PTPRA: variants seen among roughly 807,000 people sequenced by gnomAD.
The protein encoded by PTPRA is protein tyrosine phosphatase receptor type A, also known as receptor-type tyrosine-protein phosphatase alpha.
In PTPRA, 25 loss-of-function variants were observed where a neutral mutation model predicts 104.8. That is an observed-to-expected ratio of 0.24 (90% CI 0.17 to 0.33). The LOEUF is 0.33. PTPRA is among the 10% of genes least tolerant of loss of function. The pLI, the probability that PTPRA is intolerant of heterozygous loss-of-function variation, is 1.00. For missense variants in PTPRA, 765 were observed against 1,015.3 expected, an observed-to-expected ratio of 0.75 and a Z score of 3.35; for synonymous variants, 323 against 368.9, an observed-to-expected ratio of 0.88 and a Z score of 1.43.
chr20:2,973,958 T>TC (rs2062307613), intron 5 of PTPRA, among the ~76,000 whole-genome samples: 1 of 151,018 alleles, frequency 6.6e-6, no homozygotes, highest in Non-Finnish European at 1.5e-5. Context: ...TCTGATTTTT[T>TC]TTTTTTTTTT....
In PTPRA at chr20:2,878,745, C is replaced by T. The variant is rs146320081; in HGVS notation, c.-129+4985C>T. Among the ~76,000 whole-genome samples the T allele has an allele frequency of 4.9e-3, 742 of 152,284 alleles. 5 individuals are homozygous for T. Among genetic ancestry groups the T allele is most frequent in the African/African-American group, 0.017 (712 of 41,548 alleles). On this transcript the variant is annotated intron_variant, in intron 1 of 23. Coordinates refer to ENST00000399903, the MANE Select transcript of PTPRA (RefSeq NM_001385305.1). ...AGCAATTTATGGGGCCATTTCTTGACAACCCATCTAGTGCTATTACAAAGA... is the reference window on the plus strand; with the variant it reads ...AGCAATTTATGGGGCCATTTCTTGATAACCCATCTAGTGCTATTACAAAGA...
rs2065729590 is a variant in PTPRA, at chr20:3,035,030, A to G, written c.1921-555A>G. On this transcript the variant is annotated intron_variant, in intron 20 of 23. Transcript: ENST00000399903. The surrounding 1 kb of genome is among the most constrained non-coding windows in gnomAD (Gnocchi z 5.8). ...AAGGAGCTGTAGAGGGAAGTGAGCCAGGTGCAAGCAAAGACAGACAGTAGA... is the reference window on the plus strand; with the variant it reads ...AAGGAGCTGTAGAGGGAAGTGAGCCGGGTGCAAGCAAAGACAGACAGTAGA... Among the ~76,000 whole-genome samples the G allele has an allele frequency of 6.6e-6, 1 of 152,140 alleles. No homozygotes were observed. The highest frequency in any genetic ancestry group is 2.1e-4 in the South Asian group (1 of 4,820).
At chr20:2,985,734 T>C (rs983694587) in intron 6 of PTPRA, among the ~76,000 whole-genome samples, 1 of 152,152 alleles carries the variant, frequency 6.6e-6, no homozygotes, top group Non-Finnish European at 1.5e-5. Context: ...ACCAGCAGTT[T>C]TGTTACATGG....
intron 3 of PTPRA, among the ~76,000 whole-genome samples, chr20:2,960,089 A>G (rs2061692347): frequency 2.6e-5 from 4 of 152,188 alleles, no homozygotes; most frequent in African/African-American, 9.7e-5. Flanking sequence ...ACTCCTCATT[A>G]TCACCCAAGC....
intron 14 of PTPRA, 116 bp from the exon 15 acceptor site, chr20:3,021,938 C>T: frequency 3.0e-6 from 4 of 1,337,896 alleles, no homozygotes; most frequent in South Asian, 2.8e-5. Flanking sequence ...AACTAACTCC[C>T]CTGGGTACAC....
At chr20:2,953,933 T>A (rs1430743590) in intron 3 of PTPRA, among the ~76,000 whole-genome samples, 1 of 151,080 alleles carries the variant, frequency 6.6e-6, no homozygotes, top group Non-Finnish European at 1.5e-5. Context: ...TTTTTTTTTT[T>A]AGAGACAAGC....
chr20:2,954,862 A>G (rs1489769890), intron 3 of PTPRA, among the ~76,000 whole-genome samples: 1 of 152,126 alleles, frequency 6.6e-6, no homozygotes, highest in Non-Finnish European at 1.5e-5. Context: ...ATTTTTAGTT[A>G]ATTTTTGCAA....
chr20:3,027,293 T>C (rs946450461), intron 19 of PTPRA, 96 bp downstream of exon 19: 1 of 1,268,464 alleles, frequency 7.9e-7, no homozygotes, highest in Non-Finnish European at 1.1e-6. Flanking sequence ...GGGAGGATCA[T>C]GTTTGAATCA....
intron 5 of PTPRA, among the ~76,000 whole-genome samples, chr20:2,971,199 G>GA (rs557561928): frequency 4.0e-5 from 6 of 151,858 alleles, no homozygotes; most frequent in African/African-American, 9.7e-5. Flanking sequence ...TGTCTAGCAG[G>GA]AAAAAAAGTT....
chr20:2,955,076 C>A (rs768836074), intron 3 of PTPRA, among the ~76,000 whole-genome samples: 2 of 152,164 alleles, frequency 1.3e-5, no homozygotes, highest in Non-Finnish European at 2.9e-5. Context: ...AATATGGTAG[C>A]TATATAGTAA....
chr20:2,937,148 G>T (rs183727384), intron 2 of PTPRA, among the ~76,000 whole-genome samples: 1 of 136,180 alleles, frequency 7.3e-6, no homozygotes, highest in African/African-American at 2.8e-5. Flanking sequence ...TTTTTGAGAC[G>T]GAGTCTTGCT....
chr20:3,016,501 A>G (rs2064460216), intron 12 of PTPRA, among the ~76,000 whole-genome samples: 1 of 152,204 alleles, frequency 6.6e-6, no homozygotes, highest in Non-Finnish European at 1.5e-5. Flanking sequence ...TAATCCTAAC[A>G]CTTTGGGAGG....
At chr20:2,953,952 A>G (rs1198215854) in intron 3 of PTPRA, among the ~76,000 whole-genome samples, 1 of 149,634 alleles carries the variant, frequency 6.7e-6, no homozygotes, top group Non-Finnish European at 1.5e-5. Context: ...GCTGTCTCCC[A>G]AGCTGTAGTG....
chr20:2,954,044 C>T (rs190897370), intron 3 of PTPRA, among the ~76,000 whole-genome samples: 5 of 149,038 alleles, frequency 3.4e-5, no homozygotes, highest in South Asian at 2.1e-4. Flanking sequence ...CATGTAGCTA[C>T]GTCTACAGGC....
intron 1 of PTPRA, among the ~76,000 whole-genome samples, chr20:2,912,503 A>C (rs2147246969): frequency 6.6e-6 from 1 of 152,244 alleles, no homozygotes; most frequent in South Asian, 2.1e-4. Flanking sequence ...TCACGCCCGT[A>C]GTCCCAGCTC....
chr20:2,956,988 T>C (rs1481262392), intron 3 of PTPRA, among the ~76,000 whole-genome samples: 2 of 152,170 alleles, frequency 1.3e-5, no homozygotes, highest in African/African-American at 4.8e-5. Flanking sequence ...TGTGATAGAT[T>C]AAAAAATGGT....
chr20:2,983,568 CAAAAA>C (rs58694839), intron 6 of PTPRA, among the ~76,000 whole-genome samples: 5 of 93,418 alleles, frequency 5.4e-5, no homozygotes, highest in African/African-American at 2.0e-4. Context: ...AAAAAAAATG[CAAAAA>C]AAAAAAAAAA....
chr20:3,021,248 C>A, intron 13 of PTPRA, 61 bp from the exon 14 acceptor site: 2 of 1,607,672 alleles, frequency 1.2e-6, no homozygotes, highest in Non-Finnish European at 1.7e-6. Context: ...CTTCCAGGCC[C>A]TTTGCATCTG....
chr20:3,021,943 G>C (rs1421226581), intron 14 of PTPRA, 111 bp from the exon 15 acceptor site: 2 of 1,368,776 alleles, frequency 1.5e-6, no homozygotes, highest in Admixed American at 4.3e-5. Flanking sequence ...ACTCCCCTGG[G>C]TACACTTACT....
Sources: allele counts gnomAD v4.1 joint callset (sites outside exome capture counted in the v4.1 genomes callset), GRCh38; gene constraint gnomAD v4.1.1; non-coding constraint Gnocchi (gnomAD v3.1); transcripts MANE v1.5; gene names NCBI Gene and HGNC (gene_info 2026-07-23, HGNC 2026-07-21).